Variants in ATCAY observed in about 807,000 individuals in gnomAD.
The protein encoded by ATCAY is caytaxin.
A neutral mutation model predicts 47.7 loss-of-function variants in ATCAY; 22 were observed. That is an observed-to-expected ratio of 0.46 (90% CI 0.33 to 0.66). ATCAY has a LOEUF of 0.66. Ranked by LOEUF, ATCAY falls within the 30% of genes least tolerant of loss-of-function variation. ATCAY has a pLI of 0.02. For synonymous variants in ATCAY, 216 were observed against 207.6 expected (o/e 1.04, Z -0.35); for missense variants, 452 against 515.0 (o/e 0.88, Z 1.18).
At position 3,909,609 on chromosome 19, in the gene ATCAY, C is replaced by T. The variant is rs749977698; in HGVS notation, c.771C>T (p.Ile257=). 3.1e-6 allele frequency: 5 copies of T among 1,594,050 alleles called. No homozygotes were observed. The highest frequency in any genetic ancestry group is 4.3e-6 in the Non-Finnish European group (5 of 1,170,334). The change falls in exon 7 of 13, where the codon ATC becomes ATT. Residue 257 remains isoleucine, a synonymous_variant. Coordinates refer to ENST00000450849, the MANE Select transcript of ATCAY (RefSeq NM_033064.5). Reference sequence around the variant, plus strand: ...GGCTGAAGAAGTGCTACCAGATGATCGACCGGAGGTGAGGTGGGGATGCCT... The same window carrying T: ...GGCTGAAGAAGTGCTACCAGATGATTGACCGGAGGTGAGGTGGGGATGCCT... The part of the protein sequence containing the change: ...IGWLKKCYQM[I]DRRLRKNLKS...
chr19:3,899,308 CTTTTTTT>C (rs146410703), intron 2 of ATCAY, among the ~76,000 whole-genome samples: 3 of 106,954 alleles, frequency 2.8e-5, no homozygotes, highest in Admixed American at 1.1e-4. Flanking sequence ...GGGAATAAAT[CTTTTTTT>C]TTTTTTTTTT....
intron 2 of ATCAY, among the ~76,000 whole-genome samples, chr19:3,886,399 T>C (rs904255384): frequency 6.6e-6 from 1 of 152,068 alleles, no homozygotes; most frequent in Non-Finnish European, 1.5e-5. Flanking sequence ...GAAACTATCC[T>C]GGCTAACATG....
chr19:3,916,913 T>C (rs1333557226), intron 9 of ATCAY, among the ~76,000 whole-genome samples: 2 of 145,496 alleles, frequency 1.4e-5, no homozygotes, highest in African/African-American at 5.1e-5. Flanking sequence ...GTTCAAGGGA[T>C]TCTCGTGCCT....
At chr19:3,899,308 C>CT (rs146410703) in intron 2 of ATCAY, among the ~76,000 whole-genome samples, 4,622 of 106,864 alleles carry the variant, frequency 0.043, 460 homozygotes, top group African/African-American at 0.14. Context: ...GGGAATAAAT[C>CT]TTTTTTTTTT....
At chr19:3,894,255 C>T (rs1356075147) in intron 2 of ATCAY, among the ~76,000 whole-genome samples, 5 of 151,876 alleles carry the variant, frequency 3.3e-5, no homozygotes, top group Admixed American at 6.6e-5. Flanking sequence ...GAGGCCGAGG[C>T]GGGCAGGTCA....
At chr19:3,909,715 G>A in intron 7 of ATCAY, 98 bp downstream of exon 7, 3 of 1,489,872 alleles carry the variant, frequency 2.0e-6, no homozygotes, top group Middle Eastern at 1.9e-4. Flanking sequence ...CACTTCGGGA[G>A]GCTGAGGTGG....
chr19:3,895,705 T>C (rs539669162), intron 2 of ATCAY, among the ~76,000 whole-genome samples: 4 of 149,146 alleles, frequency 2.7e-5, no homozygotes, highest in African/African-American at 9.8e-5. Context: ...TTTTTTTCTT[T>C]CTTTTCTTTT....
intron 8 of ATCAY, 91 bp downstream of exon 8, chr19:3,910,980 CGTGTGTGCGTGTGTGCATCTGTGT>C (rs2038917844): frequency 2.3e-6 from 3 of 1,311,442 alleles, no homozygotes; most frequent in South Asian, 2.4e-5. Flanking sequence ...CATGTGTGCA[CGTGTGTGCGTGTGTGCATCTGTGT>C]GTGTGTGCAT....
chr19:3,896,152 T>A (rs1184024860), intron 2 of ATCAY, among the ~76,000 whole-genome samples: 7 of 151,936 alleles, frequency 4.6e-5, no homozygotes, highest in Non-Finnish European at 1.0e-4. Context: ...GCGCCCAGTC[T>A]GAGATGCTTT....
Position 3,917,784 on chromosome 19 carries a change from G to A in ATCAY, c.1001+7G>A. 6.2e-7 allele frequency: 1 copy of A among 1,609,834 alleles called. No individual in the cohort carries two copies. The highest frequency in any genetic ancestry group is 8.5e-7 in the Non-Finnish European group (1 of 1,178,668). ...TGAAGGCCAGGAGGGAGAGGTGTGT[G>A]CAGAGTGGTTTCTGCTGGGGCTGGG... On this transcript the variant is annotated splice_region_variant and intron_variant, in intron 10 of 12. Coordinates refer to ENST00000450849, the MANE Select transcript of ATCAY (RefSeq NM_033064.5).
At chr19:3,902,012 TAAAAG>T (rs1182326147) in intron 2 of ATCAY, among the ~76,000 whole-genome samples, 9 of 150,308 alleles carry the variant, frequency 6.0e-5, no homozygotes, top group Non-Finnish European at 1.5e-5. Flanking sequence ...AAGAAAAAAA[TAAAAG>T]AAAAAGAAAA....
At chr19:3,913,497 G>C (rs962870719) in intron 8 of ATCAY, among the ~76,000 whole-genome samples, 3 of 152,146 alleles carry the variant, frequency 2.0e-5, no homozygotes, top group African/African-American at 7.2e-5. Flanking sequence ...CTTCCAACAA[G>C]ATCCTCATTG....
chr19:3,900,755 C>T lies in ATCAY; in HGVS notation c.78-1732C>T, dbSNP rs560473073. ...TTCACCATGTTGTCCAGGCTGGTCTCGAATTCCTGAGCTCAAGTGATCCTC... is the reference window on the plus strand; with the variant it reads ...TTCACCATGTTGTCCAGGCTGGTCTTGAATTCCTGAGCTCAAGTGATCCTC... On this transcript the variant is annotated intron_variant, in intron 2 of 12. Transcript: ENST00000450849. Among the ~76,000 whole-genome samples, 69 of 152,130 alleles carry T rather than the reference C, an allele frequency of 4.5e-4. 1 individual carries two copies. The highest frequency in any genetic ancestry group is 1.4e-3 in the Admixed American group (22 of 15,242).
rs1386686581 is a variant in ATCAY at position 3,887,309 on chromosome 19, T to A, written c.77+1465T>A. 7.3e-5 allele frequency among the ~76,000 whole-genome samples: 11 copies of A among 150,366 alleles called. No homozygotes were observed. In the East Asian group the frequency reaches 2.0e-3, roughly 27 times the overall value. ...CCCATTTCTACCAAAAAAAAAAAAA[T>A]TAGCTGGGCATGGTGGTGTGCACCT... On this transcript the variant is annotated intron_variant, in intron 2 of 12. Coordinates refer to ENST00000450849, the MANE Select transcript of ATCAY (RefSeq NM_033064.5).
chr19:3,888,106 T>G (rs1431573065), intron 2 of ATCAY, among the ~76,000 whole-genome samples: 2 of 123,402 alleles, frequency 1.6e-5, no homozygotes, highest in Non-Finnish European at 3.2e-5. Context: ...AGTGTGAGAC[T>G]CCGTCTCAAA....
intron 8 of ATCAY, 78 bp downstream of exon 8, chr19:3,910,967 G>C: frequency 6.8e-7 from 1 of 1,462,018 alleles, no homozygotes; most frequent in Non-Finnish European, 9.6e-7. Context: ...GCATTTGTGT[G>C]TGCATGTGTG....
At chr19:3,902,219 G>C (rs2038821644) in intron 2 of ATCAY, among the ~76,000 whole-genome samples, 1 of 152,036 alleles carries the variant, frequency 6.6e-6, no homozygotes, top group Admixed American at 6.6e-5. Flanking sequence ...CTACTCAGGA[G>C]GCTGAGGCAG....
intron 2 of ATCAY, among the ~76,000 whole-genome samples, chr19:3,891,951 G>A (rs954129812): frequency 5.9e-5 from 9 of 152,032 alleles, no homozygotes; most frequent in South Asian, 2.1e-4. Context: ...ATGCAATGAC[G>A]TGACCTCGGC....
chr19:3,915,275 C>G (rs921139495), intron 9 of ATCAY, among the ~76,000 whole-genome samples: 1 of 149,374 alleles, frequency 6.7e-6, no homozygotes, highest in African/African-American at 2.5e-5. Context: ...CGGGTTCAAG[C>G]GATTCTCCTG....
Sources: allele counts gnomAD v4.1 joint callset (sites outside exome capture counted in the v4.1 genomes callset), GRCh38; gene constraint gnomAD v4.1.1; transcripts MANE v1.5; gene names NCBI Gene and HGNC (gene_info 2026-07-23, HGNC 2026-07-21).